Variants in CRYGN observed in about 807,000 individuals in gnomAD.
The protein encoded by CRYGN is gamma-crystallin N.
CRYGN carries 17 observed loss-of-function variants against 19.2 expected under a neutral mutation model. The ratio of observed to expected loss-of-function variants is 0.89; its 90% CI spans 0.61 to 1.33. The LOEUF is 1.33. Among genes scored for constraint, CRYGN ranks in the 40% most tolerant of loss-of-function variants. The probability of loss-of-function intolerance (pLI) is 0.00; values close to 1 mark genes in which losing one functional copy is unlikely to be tolerated. For missense variants in CRYGN, 239 were observed against 239.6 expected (o/e 1.00, Z 0.02); for synonymous variants, 84 against 85.8 (o/e 0.98, Z 0.12).
Position 151,439,945 on chromosome 7 carries a change from C to G in CRYGN, c.-28G>C. 2 of 1,524,308 alleles carry G rather than the reference C, an allele frequency of 1.3e-6. No homozygotes were observed. The highest frequency in any genetic ancestry group is 1.8e-6 in the Non-Finnish European group (2 of 1,136,050). The allele number at this position is 1,524,308 out of a possible 1,614,324, so 94.4% of individuals were successfully genotyped here. ...TGCGCCCCGCCCCTTCCGCGGGTCC[C>G]CGTTTACACCGGGCAGCGCCCTGCT... On this transcript the variant is annotated 5_prime_UTR_variant, in exon 1 of 4. Transcript: ENST00000337323.
chr7:151,439,957 G>C lies in CRYGN; in HGVS notation c.-40C>G, dbSNP rs544143023. Reference sequence around the variant, plus strand: ...CTTCCGCGGGTCCCCGTTTACACCGGGCAGCGCCCTGCTGGCTCAGCGCCG... The same window carrying C: ...CTTCCGCGGGTCCCCGTTTACACCGCGCAGCGCCCTGCTGGCTCAGCGCCG... On this transcript the variant is annotated 5_prime_UTR_variant, in exon 1 of 4. Coordinates refer to ENST00000337323, the MANE Select transcript of CRYGN (RefSeq NM_144727.3). The C allele has an allele frequency of 1.3e-5, 20 of 1,506,838 alleles. No individual in the cohort carries two copies. In the African/African-American group the frequency reaches 2.1e-4, roughly 16 times the overall value. 93.3% of individuals were successfully genotyped at this position (1,506,838 alleles called of 1,614,324 possible).
rs202011127 is a variant in CRYGN, at chr7:151,430,011, C to T, written c.*37G>A. 1.4e-4 allele frequency: 114 copies of T among 818,044 alleles called. 2 individuals are homozygous for T. In the East Asian group the frequency reaches 2.4e-3, roughly 17 times the overall value. 50.7% of individuals were successfully genotyped at this position (818,044 alleles called of 1,614,324 possible). A position where few individuals can be genotyped will look rare whatever the true frequency, so the allele number is the denominator to read the frequency against. ...AGTAAACACTCTCCCGGCTCAGAAA[C>T]GGTGCAGGTGCATTTACATGTCAAT... On this transcript the variant is annotated 3_prime_UTR_variant, in exon 4 of 4. Coordinates refer to ENST00000337323, the MANE Select transcript of CRYGN (RefSeq NM_144727.3). This position sits in a 1 kb window ranked among gnomAD's most constrained non-coding sequence, Gnocchi z 5.2.
chr7:151,440,169 C>T (rs1430310433), upstream of CRYGN: 2 of 1,218,394 alleles, frequency 1.6e-6, no homozygotes, highest in African/African-American at 1.6e-5. Context: ...CCTCCCTGAG[C>T]CCTCCCGCCC....
intron 3 of CRYGN, among the ~76,000 whole-genome samples, chr7:151,434,305 C>T (rs1336035752): frequency 2.0e-5 from 3 of 152,118 alleles, no homozygotes; most frequent in South Asian, 4.1e-4. Flanking sequence ...AGCCCCTGAG[C>T]GTTGGGGGTG....
Position 151,431,524 on chromosome 7 carries a change from C to A in CRYGN, c.417-1344G>T, listed in dbSNP as rs1801463675. On this transcript the variant is annotated intron_variant, in intron 3 of 3. Coordinates refer to ENST00000337323, the MANE Select transcript of CRYGN (RefSeq NM_144727.3). The surrounding 1 kb of genome is among the most constrained non-coding windows in gnomAD (Gnocchi z 4.8). Reference sequence around the variant, plus strand: ...AGCCGCCGGTTCTGGGTCTGCCAGCCCTACTGCTCCAGGGGCTATGGCTGC... The same window carrying A: ...AGCCGCCGGTTCTGGGTCTGCCAGCACTACTGCTCCAGGGGCTATGGCTGC... 6.6e-6 allele frequency among the ~76,000 whole-genome samples: 1 copy of A among 152,156 alleles called. No homozygotes were observed. Among genetic ancestry groups the A allele is most frequent in the Admixed American group, 6.5e-5 (1 of 15,286 alleles).
chr7:151,430,104 C>G lies in CRYGN; in HGVS notation c.493G>C (p.Glu165Gln), dbSNP rs117702478. The change falls in exon 4 of 4, where the codon GAG becomes CAG. Residue 165 changes from glutamate (E) to glutamine (Q), a missense_variant. Physicochemically the swap from Glu to Gln is conservative, Grantham distance 29 (BLOSUM62 2). Transcript: ENST00000337323. This position sits in a 1 kb window ranked among gnomAD's most constrained non-coding sequence, Gnocchi z 5.2. The part of the protein sequence containing the change: ...SSLQSDQGPE[E>Q]ATTKPATTQP... ...GTTGTTGCTGGTTTTGTGGTGGCCT[C>G]TTCCGGTCCTTGATCTGATTGAAGA... 1.3e-6 allele frequency: 2 copies of G among 1,585,838 alleles called. No individual in the cohort carries two copies. The highest frequency in any genetic ancestry group is 1.7e-6 in the Non-Finnish European group (2 of 1,154,284).
chr7:151,436,352 A>T lies in CRYGN; in HGVS notation c.271-27T>A. ...TCCAAGACCAAGCAAAAAAGAAGGA[A>T]AGAAGGAGGTTGCTGTGAATTCCCC... is the stretch of plus-strand genomic sequence containing the variant. On this transcript the variant is annotated intron_variant, in intron 2 of 3. Coordinates refer to ENST00000337323, the MANE Select transcript of CRYGN (RefSeq NM_144727.3). The surrounding 1 kb of genome is among the most constrained non-coding windows in gnomAD (Gnocchi z 5.1). The T allele has an allele frequency of 6.7e-7, 1 of 1,498,822 alleles. No homozygotes were observed. The highest frequency in any genetic ancestry group is 8.9e-7 in the Non-Finnish European group (1 of 1,118,808). 92.8% of individuals were successfully genotyped at this position (1,498,822 alleles called of 1,614,324 possible). A position where few individuals can be genotyped will look rare whatever the true frequency, so the allele number is the denominator to read the frequency against.
intron 3 of CRYGN, among the ~76,000 whole-genome samples, chr7:151,432,668 G>T (rs1381906231): frequency 6.6e-6 from 1 of 152,218 alleles, no homozygotes; most frequent in Non-Finnish European, 1.5e-5. Flanking sequence ...GCTGGGTGTG[G>T]TGGTGGGCAC....
intron 3 of CRYGN, among the ~76,000 whole-genome samples, chr7:151,434,090 TC>T (rs1013600490): frequency 2.0e-5 from 3 of 152,060 alleles, no homozygotes; most frequent in African/African-American, 4.8e-5. Flanking sequence ...CAGTGTCCCC[TC>T]CGGATCGAGG....
chr7:151,436,356 A>ACCACCC lies in CRYGN; in HGVS notation c.271-32_271-31insGGGTGG. On this transcript the variant is annotated intron_variant, in intron 2 of 3. Coordinates refer to ENST00000337323, the MANE Select transcript of CRYGN (RefSeq NM_144727.3). This position sits in a 1 kb window ranked among gnomAD's most constrained non-coding sequence, Gnocchi z 5.1. ...AGACCAAGCAAAAAAGAAGGAAAGA[A>ACCACCC]GGAGGTTGCTGTGAATTCCCCTCTC... 4.7e-6 allele frequency: 7 copies of ACCACCC among 1,486,892 alleles called. No homozygotes were observed. Among genetic ancestry groups the ACCACCC allele is most frequent in the Non-Finnish European group, 6.3e-6 (7 of 1,111,356 alleles). 92.1% of individuals were successfully genotyped at this position (1,486,892 alleles called of 1,614,324 possible). A position where few individuals can be genotyped will look rare whatever the true frequency, so the allele number is the denominator to read the frequency against.
intron 3 of CRYGN, among the ~76,000 whole-genome samples, chr7:151,432,687 C>A (rs1328915539): frequency 6.6e-6 from 1 of 152,138 alleles, no homozygotes; most frequent in East Asian, 1.9e-4. Flanking sequence ...ACCTGTAATC[C>A]CAGCTACTTG....
rs1314284001 is a variant in CRYGN, at chr7:151,436,124, C to T, written c.416+56G>A. ...CTGTGTGGCGGGCAGCCTCCCACGC[C>T]TGGTGCTGAAGGGCCTAGCCGGGCC... On this transcript the variant is annotated intron_variant, in intron 3 of 3. Coordinates refer to ENST00000337323, the MANE Select transcript of CRYGN (RefSeq NM_144727.3). This position sits in a 1 kb window ranked among gnomAD's most constrained non-coding sequence, Gnocchi z 5.1. 7.4e-7 allele frequency: 1 copy of T among 1,346,408 alleles called. No homozygotes were observed. The highest frequency in any genetic ancestry group is 3.0e-5 in the Admixed American group (1 of 33,530). The allele number at this position is 1,346,408 out of a possible 1,614,324, so 83.4% of individuals were successfully genotyped here.
chr7:151,432,884 C>T (rs1306200534), intron 3 of CRYGN, among the ~76,000 whole-genome samples: 1 of 152,152 alleles, frequency 6.6e-6, no homozygotes, highest in Non-Finnish European at 1.5e-5. Flanking sequence ...TGGTGGGGGG[C>T]CTGGCACAGA....
chr7:151,437,788 T>C, intron 2 of CRYGN: 1 of 1,428,984 alleles, frequency 7.0e-7, no homozygotes, highest in Admixed American at 2.8e-5. Context: ...GTATGAAAAC[T>C]CAGGGCCACT....
chr7:151,430,075 C>T lies in CRYGN; in HGVS notation c.522G>A (p.Gln174=), dbSNP rs1801428680. The change falls in exon 4 of 4, where the codon CAG becomes CAA. Residue 174 remains glutamine, a synonymous_variant. Transcript: ENST00000337323. The surrounding 1 kb of genome is among the most constrained non-coding windows in gnomAD (Gnocchi z 5.2). ...EEATTKPATT[Q]PPFLTANL is the part of the protein sequence containing the mutation. ...AGAGGTTTGCAGTCAGGAAAGGTGGCTGGGTTGTTGCTGGTTTTGTGGTGG... is the reference window on the plus strand; with the variant it reads ...AGAGGTTTGCAGTCAGGAAAGGTGGTTGGGTTGTTGCTGGTTTTGTGGTGG... The T allele has an allele frequency of 7.4e-7, 1 of 1,345,906 alleles. No individual in the cohort carries two copies. Among genetic ancestry groups the T allele is most frequent in the Admixed American group, 1.7e-5 (1 of 59,656 alleles). 83.4% of individuals were successfully genotyped at this position (1,345,906 alleles called of 1,614,324 possible).
At chr7:151,434,057 C>T (rs879362552) in intron 3 of CRYGN, among the ~76,000 whole-genome samples, 2 of 152,088 alleles carry the variant, frequency 1.3e-5, no homozygotes, top group Non-Finnish European at 2.9e-5. Context: ...CCCACTCCCC[C>T]GACCCCAGGA....
rs1801727736 is a variant in CRYGN at position 151,440,135 on chromosome 7, C to G, written c.-218G>C. The stretch of plus-strand genomic sequence containing the variant: ...CTGCCCGGGGTCTCCCTGTGCTCTC[C>G]GCGTTTAGCTCCCGAGCCTCCTTCC... On this transcript the variant is annotated 5_prime_UTR_variant, in exon 1 of 4. Transcript: ENST00000337323. 1 of 1,330,420 alleles carries G rather than the reference C, an allele frequency of 7.5e-7. No homozygotes were observed. The highest frequency in any genetic ancestry group is 9.6e-7 in the Non-Finnish European group (1 of 1,040,272). 82.4% of individuals were successfully genotyped at this position (1,330,420 alleles called of 1,614,324 possible).
chr7:151,438,614 A>G (rs1801681733), intron 1 of CRYGN, among the ~76,000 whole-genome samples: 1 of 152,230 alleles, frequency 6.6e-6, no homozygotes, highest in African/African-American at 2.4e-5. Flanking sequence ...CATAAAGCCG[A>G]TAATAACATT....
chr7:151,432,741 T>C (rs1584822821), intron 3 of CRYGN, among the ~76,000 whole-genome samples: 1 of 151,884 alleles, frequency 6.6e-6, no homozygotes, highest in Admixed American at 6.6e-5. Flanking sequence ...GAGGCGGAGG[T>C]TGCAGTGAGC....
Sources: allele counts gnomAD v4.1 joint callset (sites outside exome capture counted in the v4.1 genomes callset), GRCh38; gene constraint gnomAD v4.1.1; non-coding constraint Gnocchi (gnomAD v3.1); transcripts MANE v1.5; gene names NCBI Gene and HGNC (gene_info 2026-07-23, HGNC 2026-07-21).